The following DYNC1I1 variants were observed in gnomAD, a reference collection of about 807,000 sequenced individuals.
DYNC1I1 encodes cytoplasmic dynein 1 intermediate chain 1.
DYNC1I1 carries 43 observed loss-of-function variants against 86.6 expected under a neutral mutation model. The ratio of observed to expected loss-of-function variants is 0.50; its 90% confidence interval spans 0.39 to 0.64. DYNC1I1 has a LOEUF of 0.64. Ranked by LOEUF, DYNC1I1 falls within the 30% of genes least tolerant of loss-of-function variation. The pLI, the probability that DYNC1I1 is intolerant of heterozygous loss-of-function variation, is 0.00. For missense variants in DYNC1I1, 604 were observed against 788.8 expected (o/e 0.77, Z 2.81); for synonymous variants, 262 against 283.7 (o/e 0.92, Z 0.77).
intron 6 of DYNC1I1, among the ~76,000 whole-genome samples, chr7:95,943,198 C>G (rs1234990875): frequency 6.6e-6 from 1 of 151,562 alleles, no homozygotes; most frequent in Non-Finnish European, 1.5e-5. Flanking sequence ...AATCAATGTA[C>G]AAAAATCACA....
intron 12 of DYNC1I1, among the ~76,000 whole-genome samples, chr7:96,033,276 T>G (rs1353569101): frequency 6.6e-6 from 1 of 152,172 alleles, no homozygotes. Flanking sequence ...TTAGTATGGC[T>G]CCTGTCATTC....
intron 14 of DYNC1I1, among the ~76,000 whole-genome samples, chr7:96,071,802 A>T (rs1282486692): frequency 1.3e-5 from 2 of 152,222 alleles, no homozygotes; most frequent in African/African-American, 4.8e-5. Flanking sequence ...AACTGTTTCT[A>T]CAAGTTACAT....
chr7:95,898,594 A>G (rs1376467371), intron 6 of DYNC1I1, among the ~76,000 whole-genome samples: 1 of 152,236 alleles, frequency 6.6e-6, no homozygotes, highest in Non-Finnish European at 1.5e-5. Flanking sequence ...AGGCAGTGGA[A>G]AGATCTAAAT....
chr7:96,097,759 A>T lies in DYNC1I1; in HGVS notation c.*166A>T. 1 of 1,342,434 alleles carries T rather than the reference A, an allele frequency of 7.4e-7. No individual in the cohort carries two copies. The highest frequency in any genetic ancestry group is 9.6e-7 in the Non-Finnish European group (1 of 1,041,990). The allele number at this position is 1,342,434 out of a possible 1,614,324, so 83.2% of individuals were successfully genotyped here. On this transcript the variant is annotated 3_prime_UTR_variant, in exon 17 of 17. Transcript: ENST00000447467. ...CCAAGTATTCTAAATGTGTCCCATC[A>T]TGCTTTCCACTGACCCAAAATTCAC...
intron 10 of DYNC1I1, among the ~76,000 whole-genome samples, chr7:96,015,149 G>A (rs1272232746): frequency 3.3e-5 from 5 of 151,680 alleles, no homozygotes; most frequent in Non-Finnish European, 7.4e-5. Context: ...CTTTTTTAGG[G>A]AAAAGAAAAA....
chr7:95,871,756 C>G (rs1256522473), intron 6 of DYNC1I1, among the ~76,000 whole-genome samples: 1 of 152,126 alleles, frequency 6.6e-6, no homozygotes, highest in Non-Finnish European at 1.5e-5. Context: ...TTTATTACTG[C>G]AAGGAGAGCT....
At chr7:96,089,953 G>A (rs1265379468) in intron 16 of DYNC1I1, among the ~76,000 whole-genome samples, 1 of 152,136 alleles carries the variant, frequency 6.6e-6, no homozygotes, top group Non-Finnish European at 1.5e-5. Flanking sequence ...AGTTGAGCTT[G>A]TGTAGCACAT....
intron 4 of DYNC1I1, among the ~76,000 whole-genome samples, chr7:95,826,070 A>G (rs1485012374): frequency 6.6e-6 from 1 of 152,214 alleles, no homozygotes; most frequent in Non-Finnish European, 1.5e-5. Flanking sequence ...CAGCATCTGT[A>G]TGTCCTGGAG....
intron 6 of DYNC1I1, among the ~76,000 whole-genome samples, chr7:95,918,561 G>A (rs1055339519): frequency 2.0e-5 from 3 of 152,206 alleles, no homozygotes; most frequent in South Asian, 4.1e-4. Context: ...ACATGTGCAT[G>A]TGTGGGTGTG....
chr7:95,841,906 G>T (rs1305891936), intron 5 of DYNC1I1, among the ~76,000 whole-genome samples: 1 of 152,196 alleles, frequency 6.6e-6, no homozygotes, highest in South Asian at 2.1e-4. Context: ...CATGGGAAAT[G>T]CTTGAGTGCC....
In DYNC1I1 at chr7:95,953,454, T is replaced by C. The variant is rs570472512; in HGVS notation, c.491-24058T>C. ...AGAAAGAAAATGAAACGTGTTTGGA[T>C]TTTTGCCACCTGGTTATGGTTAGTT... On this transcript the variant is annotated intron_variant, in intron 6 of 16. Transcript: ENST00000447467. Among the ~76,000 whole-genome samples the C allele has an allele frequency of 3.3e-5, 5 of 152,226 alleles. No individual in the cohort carries two copies. The South Asian group carries it at 6.2e-4, about 19-fold the overall frequency.
chr7:95,776,232 A>G (rs543894340), intron 1 of DYNC1I1, among the ~76,000 whole-genome samples: 123 of 152,314 alleles, frequency 8.1e-4, no homozygotes, highest in Non-Finnish European at 1.3e-3. Context: ...GAGACTTTTC[A>G]TCAATATCCT....
chr7:96,062,645 T>C (rs958279161), intron 14 of DYNC1I1, among the ~76,000 whole-genome samples: 2 of 152,158 alleles, frequency 1.3e-5, no homozygotes, highest in African/African-American at 4.8e-5. Flanking sequence ...ACTGCAGAAA[T>C]GTATTCAAAA....
At chr7:96,018,922 T>C (rs763041205) in intron 10 of DYNC1I1, among the ~76,000 whole-genome samples, 1 of 152,152 alleles carries the variant, frequency 6.6e-6, no homozygotes, top group Non-Finnish European at 1.5e-5. Context: ...GAACTGTGTT[T>C]TCCATTTTTC....
At chr7:95,913,832 C>A (rs11773847) in intron 6 of DYNC1I1, among the ~76,000 whole-genome samples, 1 of 152,122 alleles carries the variant, frequency 6.6e-6, no homozygotes, top group Non-Finnish European at 1.5e-5. Flanking sequence ...GTTGTGCTTC[C>A]TAATCTTTTT....
At chr7:96,013,104 G>A (rs189804636) in intron 10 of DYNC1I1, among the ~76,000 whole-genome samples, 4 of 152,072 alleles carry the variant, frequency 2.6e-5, no homozygotes, top group South Asian at 2.1e-4. Context: ...TATGTGGGTC[G>A]GCCCAGTGTA....
At chr7:96,030,639 T>G (rs921677730) in intron 11 of DYNC1I1, among the ~76,000 whole-genome samples, 2 of 152,120 alleles carry the variant, frequency 1.3e-5, no homozygotes, top group Non-Finnish European at 2.9e-5. Context: ...GAAGCCCCAC[T>G]GGACTCTTGT....
intron 9 of DYNC1I1, 150 bp from the exon 10 acceptor site, chr7:95,995,798 G>T (rs138211135): frequency 9.2e-7 from 1 of 1,090,478 alleles, no homozygotes; most frequent in East Asian, 2.6e-5. Context: ...ATTGCAGGAG[G>T]TTGCAGCAGT....
At chr7:95,822,371 T>C (rs1329899143) in intron 4 of DYNC1I1, among the ~76,000 whole-genome samples, 2 of 152,296 alleles carry the variant, frequency 1.3e-5, no homozygotes, top group African/African-American at 4.8e-5. Context: ...TTTAAAAATA[T>C]TGAAAAACAA....
Sources: allele counts gnomAD v4.1 joint callset (sites outside exome capture counted in the v4.1 genomes callset), GRCh38; gene constraint gnomAD v4.1.1; transcripts MANE v1.5; gene names NCBI Gene and HGNC (gene_info 2026-07-23, HGNC 2026-07-21).